Variants in CDH18 observed in about 807,000 individuals in gnomAD.
CDH18 encodes the protein cadherin 18, also known as cadherin-18.
A neutral mutation model predicts 67.9 loss-of-function variants in CDH18; 31 were observed. The observed-to-expected ratio is 0.46, with a 90% CI of 0.34 to 0.62. CDH18 has a LOEUF of 0.62. CDH18 is among the 20% of genes least tolerant of loss of function. The pLI is 0.01. For synonymous variants in CDH18, 362 were observed against 347.2 expected, an observed-to-expected ratio of 1.04 and a Z score of -0.48; for missense variants, 890 against 975.5, an observed-to-expected ratio of 0.91 and a Z score of 1.17.
At chr5:20,487,800 T>A (rs1049530848) in intron 1 of CDH18, among the ~76,000 whole-genome samples, 5 of 151,972 alleles carry the variant, frequency 3.3e-5, no homozygotes, top group African/African-American at 1.2e-4. Context: ...ATAGTATTAT[T>A]AAATAGTACA....
chr5:20,004,038 C>T (rs1043037020), intron 2 of CDH18, among the ~76,000 whole-genome samples: 5 of 152,218 alleles, frequency 3.3e-5, no homozygotes, highest in African/African-American at 1.2e-4. Flanking sequence ...AGTTCATTCT[C>T]ATGTTACAGT....
chr5:19,681,055 A>T (rs999328693), intron 5 of CDH18, among the ~76,000 whole-genome samples: 14 of 152,038 alleles, frequency 9.2e-5, no homozygotes, highest in Non-Finnish European at 1.6e-4. Flanking sequence ...AATATGGTAC[A>T]TATACGCCAT....
intron 2 of CDH18, among the ~76,000 whole-genome samples, chr5:20,161,061 G>C (rs1292348602): frequency 1.3e-5 from 2 of 152,202 alleles, no homozygotes; most frequent in African/African-American, 4.8e-5. Flanking sequence ...GTTTGGAAAA[G>C]AGATCTTATG....
chr5:20,227,033 C>G (rs551745991), intron 2 of CDH18, among the ~76,000 whole-genome samples: 208 of 152,190 alleles, frequency 1.4e-3, no homozygotes, highest in African/African-American at 4.6e-3. Context: ...TCTCCATACA[C>G]AATAGCTTGC....
intron 1 of CDH18, among the ~76,000 whole-genome samples, chr5:20,561,505 A>G (rs1404845716): frequency 6.6e-6 from 1 of 152,066 alleles, no homozygotes; most frequent in Non-Finnish European, 1.5e-5. Flanking sequence ...CCAATCTGAC[A>G]AGGCTACATA....
chr5:20,509,707 T>C (rs185242035), intron 1 of CDH18, among the ~76,000 whole-genome samples: 756 of 73,926 alleles, frequency 0.01, 3 homozygotes, highest in African/African-American at 0.033. Flanking sequence ...GCATGAGCCA[T>C]CATGCCCAGC....
At chr5:19,638,142 A>C (rs1458662624) in intron 5 of CDH18, among the ~76,000 whole-genome samples, 1 of 152,238 alleles carries the variant, frequency 6.6e-6, no homozygotes, top group East Asian at 1.9e-4. Context: ...ACAAGTCGAC[A>C]GTAAACATTT....
chr5:20,143,831 G>A (rs10060069), intron 2 of CDH18, among the ~76,000 whole-genome samples: 72,951 of 151,938 alleles, frequency 0.48, 18,520 homozygotes, highest in East Asian at 0.75. Context: ...ATCGCATACC[G>A]TGGAAACAGG....
rs376703161 is a variant in CDH18 at position 20,011,637 on chromosome 5, C to G, written c.-517-19623G>C. 6.1e-4 allele frequency among the ~76,000 whole-genome samples: 93 copies of G among 152,154 alleles called. No individual in the cohort carries two copies. The South Asian group carries it at 0.017, about 27-fold the overall frequency. Reference sequence around the variant, plus strand: ...ATTTTAAGGTATGTTCTTTCAGTACCTAGCTTATTGAGAGTTTTTAACATG... The same window carrying G: ...ATTTTAAGGTATGTTCTTTCAGTACGTAGCTTATTGAGAGTTTTTAACATG... On this transcript the variant is annotated intron_variant, in intron 2 of 14. Coordinates refer to the CDH18 transcript ENST00000507958.
intron 1 of CDH18, among the ~76,000 whole-genome samples, chr5:20,502,783 A>G (rs903526681): frequency 6.6e-6 from 1 of 152,198 alleles, no homozygotes; most frequent in African/African-American, 2.4e-5. Flanking sequence ...ACTACCAAAG[A>G]AAAGGAAGAA....
At chr5:19,792,861 T>A (rs868299079) in intron 3 of CDH18, among the ~76,000 whole-genome samples, 18 of 152,292 alleles carry the variant, frequency 1.2e-4, no homozygotes, top group African/African-American at 4.3e-4. Flanking sequence ...ATGGTAGAAC[T>A]TTACTTCTAC....
chr5:20,428,612 C>T (rs1394951924), intron 1 of CDH18, among the ~76,000 whole-genome samples: 1 of 152,150 alleles, frequency 6.6e-6, no homozygotes, highest in Non-Finnish European at 1.5e-5. Context: ...TCTGTTGTTT[C>T]CTGACTTTTT....
chr5:20,207,981 G>A (rs1580480198), intron 2 of CDH18, among the ~76,000 whole-genome samples: 1 of 151,934 alleles, frequency 6.6e-6, no homozygotes, highest in South Asian at 2.1e-4. Flanking sequence ...AACACCAACT[G>A]AATGGAACAG....
rs576178147 is a variant in CDH18, at chr5:19,768,780, C to A, written c.229-21544G>T. On this transcript the variant is annotated intron_variant, in intron 3 of 12. Transcript: ENST00000382275. ...AACAAACACCATAGAGAGGGGAGAA[C>A]CTGATTTCCAGATTTGCCACATTAT... Among the ~76,000 whole-genome samples, 15 of 152,000 alleles carry A rather than the reference C, an allele frequency of 9.9e-5. No individual in the cohort carries two copies. The East Asian group carries it at 2.7e-3, about 27-fold the overall frequency.
intron 2 of CDH18, among the ~76,000 whole-genome samples, chr5:19,840,288 G>GAAAAAAAAAAAAAAAAAAA (rs70954608): frequency 7.8e-6 from 1 of 128,056 alleles, no homozygotes; most frequent in Non-Finnish European, 1.6e-5. Context: ...AAAAAAAAAA[G>GAAAAAAAAAAAAAAAAAAA]AAAAAAAAAA....
intron 1 of CDH18, among the ~76,000 whole-genome samples, chr5:20,342,001 C>G (rs566579874): frequency 6.6e-6 from 1 of 152,274 alleles, no homozygotes; most frequent in South Asian, 2.1e-4. Flanking sequence ...GTGATTCTGT[C>G]TCCTCGCTTC....
chr5:19,811,161 G>GAAAGAAAGAAA (rs1491122708), intron 3 of CDH18, among the ~76,000 whole-genome samples: 403 of 27,602 alleles, frequency 0.015, 88 homozygotes, highest in South Asian at 0.031. Flanking sequence ...AAAGAAAGAA[G>GAAAGAAAGAAA]GAGAGAAAGA....
chr5:20,176,188 C>G (rs761414937), intron 2 of CDH18, among the ~76,000 whole-genome samples: 6 of 152,154 alleles, frequency 3.9e-5, no homozygotes, highest in South Asian at 2.1e-4. Context: ...TCCATCAAGT[C>G]AAGCCTCTCT....
intron 5 of CDH18, among the ~76,000 whole-genome samples, chr5:19,695,827 G>A (rs983923864): frequency 6.6e-6 from 1 of 152,170 alleles, no homozygotes; most frequent in Non-Finnish European, 1.5e-5. Context: ...AACTTCAGGA[G>A]CGAGTTCATC....
Sources: gnomAD v4.1 joint callset for allele counts (sites outside exome capture counted in the v4.1 genomes callset) on GRCh38, gnomAD v4.1.1 for gene constraint, MANE v1.5 for transcripts, NCBI Gene and HGNC (gene_info 2026-07-23, HGNC 2026-07-21) for gene names.